Variants in DLGAP1 observed in about 807,000 individuals in gnomAD.
The protein encoded by DLGAP1 is disks large-associated protein 1.
DLGAP1 carries 11 observed loss-of-function variants against 90.8 expected under a neutral mutation model. That is an observed-to-expected ratio of 0.12 (90% CI 0.08 to 0.20). DLGAP1 has a LOEUF of 0.20. DLGAP1 is among the 10% of genes least tolerant of loss of function. The pLI, the probability that DLGAP1 is intolerant of heterozygous loss-of-function variation, is 1.00. For missense variants in DLGAP1, 1,050 were observed against 1,333.8 expected, an observed-to-expected ratio of 0.79 and a Z score of 3.31; for synonymous variants, 558 against 540.7, an observed-to-expected ratio of 1.03 and a Z score of -0.44.
At chr18:3,595,460 G>T (rs2056525297) in intron 7 of DLGAP1, among the ~76,000 whole-genome samples, 1 of 152,088 alleles carries the variant, frequency 6.6e-6, no homozygotes. Flanking sequence ...GTCATTTCAA[G>T]GGAGTATCTT....
At chr18:4,108,392 G>T (rs916141394) in intron 2 of DLGAP1, among the ~76,000 whole-genome samples, 5 of 151,994 alleles carry the variant, frequency 3.3e-5, no homozygotes, top group African/African-American at 1.2e-4. Flanking sequence ...CTTTCTGAAG[G>T]CTCCTACGTC....
At chr18:3,795,326 C>T (rs1184783562) in intron 5 of DLGAP1, among the ~76,000 whole-genome samples, 2 of 152,002 alleles carry the variant, frequency 1.3e-5, no homozygotes, top group Non-Finnish European at 2.9e-5. Flanking sequence ...TTTCTCTTTT[C>T]TTTTTTTTGA....
intron 4 of DLGAP1, among the ~76,000 whole-genome samples, chr18:3,878,627 G>C (rs1276801237): frequency 2.6e-5 from 4 of 152,102 alleles, no homozygotes; most frequent in Admixed American, 1.3e-4. Flanking sequence ...TGATGGTTAT[G>C]ATGATGACCA....
At chr18:4,025,932 A>G (rs1190929608) in intron 2 of DLGAP1, among the ~76,000 whole-genome samples, 1 of 152,236 alleles carries the variant, frequency 6.6e-6, no homozygotes, top group African/African-American at 2.4e-5. Flanking sequence ...TCTCATCTCT[A>G]AAATAGCCAA....
At chr18:4,196,251 C>T (rs1288003309) in intron 1 of DLGAP1, among the ~76,000 whole-genome samples, 1 of 152,124 alleles carries the variant, frequency 6.6e-6, no homozygotes, top group Non-Finnish European at 1.5e-5. Flanking sequence ...ACACTGAAAA[C>T]AGGCCATGGA....
At chr18:3,542,924 T>C (rs1011978763) in intron 9 of DLGAP1, among the ~76,000 whole-genome samples, 6 of 152,192 alleles carry the variant, frequency 3.9e-5, no homozygotes, top group East Asian at 1.9e-4. Flanking sequence ...CTGGGAACTA[T>C]AGTAATAAGC....
intron 2 of DLGAP1, among the ~76,000 whole-genome samples, chr18:4,150,486 G>A (rs1162501360): frequency 6.6e-6 from 1 of 152,132 alleles, no homozygotes; most frequent in African/African-American, 2.4e-5. Context: ...TGCCTTCCAG[G>A]TTCAAGCGAT....
intron 7 of DLGAP1, among the ~76,000 whole-genome samples, chr18:3,656,870 C>T (rs2059506190): frequency 6.6e-6 from 1 of 152,074 alleles, no homozygotes; most frequent in Non-Finnish European, 1.5e-5. Flanking sequence ...CCTCAGCCTC[C>T]CGAGTGGCTG....
At chr18:4,425,293 C>G (rs2083127575) in intron 1 of DLGAP1, among the ~76,000 whole-genome samples, 2 of 151,132 alleles carry the variant, frequency 1.3e-5, no homozygotes, top group South Asian at 4.3e-4. Context: ...TATTTGGCCA[C>G]TTTGGTCTGA....
At chr18:3,760,493 C>T (rs1258479476) in intron 5 of DLGAP1, among the ~76,000 whole-genome samples, 7 of 152,138 alleles carry the variant, frequency 4.6e-5, no homozygotes, top group Non-Finnish European at 8.8e-5. Context: ...GTTTTATTGC[C>T]AGCTGGCTGG....
chr18:3,604,248 G>A (rs2057215068), intron 7 of DLGAP1: 1 of 152,182 alleles, frequency 6.6e-6, no homozygotes, highest in Admixed American at 6.6e-5. Flanking sequence ...GTTCCCTCGG[G>A]GATTTGAATC....
chr18:4,134,266 A>G (rs2076364636), intron 2 of DLGAP1, among the ~76,000 whole-genome samples: 1 of 152,014 alleles, frequency 6.6e-6, no homozygotes, highest in East Asian at 1.9e-4. Flanking sequence ...CCTGCCCCCT[A>G]AAGAACAGCC....
intron 3 of DLGAP1, among the ~76,000 whole-genome samples, chr18:3,917,350 A>G (rs990945138): frequency 5.9e-5 from 9 of 152,242 alleles, no homozygotes; most frequent in African/African-American, 1.9e-4. Context: ...GGCAGTCAGC[A>G]GCATTCCAGC....
intron 2 of DLGAP1, among the ~76,000 whole-genome samples, chr18:4,012,619 CT>C (rs1344374360): frequency 6.6e-6 from 1 of 152,134 alleles, no homozygotes; most frequent in Non-Finnish European, 1.5e-5. Context: ...AGGCTGTCTG[CT>C]GTGGGTCCTT....
intron 3 of DLGAP1, among the ~76,000 whole-genome samples, chr18:3,976,946 G>A (rs2073594810): frequency 6.6e-6 from 1 of 152,108 alleles, no homozygotes; most frequent in South Asian, 2.1e-4. Context: ...TAGATTACAG[G>A]TAAGGTTAAA....
chr18:3,774,897 G>A (rs1485343057), intron 5 of DLGAP1, among the ~76,000 whole-genome samples: 2 of 152,078 alleles, frequency 1.3e-5, no homozygotes, highest in Non-Finnish European at 2.9e-5. Flanking sequence ...ACCTGCCAAA[G>A]AAAACAACCA....
Position 3,534,369 on chromosome 18 carries a change from A to G in DLGAP1, c.2304T>C (p.Pro768=). ...DTDFDPSILP[P]PDPWIDSITE... ...TGATAGAGTCAATCCAGGGGTCCGG[A>G]GGAGGCAGAATAGAGGGGTCAAAAT... The change falls in exon 10 of 13, where the codon CCT becomes CCC. Residue 768 remains proline, a synonymous_variant. Transcript: ENST00000315677. 6 of 1,614,136 alleles carry G rather than the reference A, an allele frequency of 3.7e-6. No homozygotes were observed. In the Middle Eastern group the frequency reaches 4.9e-4, roughly 133 times the overall value.
In DLGAP1 at chr18:4,061,713, C is replaced by G. The variant is rs570658615; in HGVS notation, c.-158-56512G>C. On this transcript the variant is annotated intron_variant, in intron 2 of 12. Coordinates refer to ENST00000315677, the MANE Select transcript of DLGAP1 (RefSeq NM_004746.4). ...TGTATTCCAAAATTATGCAAAACTT[C>G]TATAATTCTGATATGACTTAGTATA... Among the ~76,000 whole-genome samples, 91 of 152,168 alleles carry G rather than the reference C, an allele frequency of 6.0e-4. 2 individuals carry two copies. Among genetic ancestry groups the G allele is most frequent in the African/African-American group, 2.1e-3 (87 of 41,516 alleles).
At position 3,502,651 on chromosome 18, in the gene DLGAP1, C is replaced by G. The variant is rs765141486; in HGVS notation, c.2572-6G>C. 1.9e-6 allele frequency: 3 copies of G among 1,600,148 alleles called. No individual in the cohort carries two copies. Among genetic ancestry groups the G allele is most frequent in the Admixed American group, 1.8e-5 (1 of 55,992 alleles). On this transcript the variant is annotated splice_polypyrimidine_tract_variant and splice_region_variant and intron_variant, in intron 11 of 12. Coordinates refer to ENST00000315677, the MANE Select transcript of DLGAP1 (RefSeq NM_004746.4). ...CTTGGATGAGCATTAGGATTCTGCA[C>G]AAGAGAAAGAAAAACATTCATGCTT...
Sources: gnomAD v4.1 joint callset for allele counts (sites outside exome capture counted in the v4.1 genomes callset) on GRCh38, gnomAD v4.1.1 for gene constraint, MANE v1.5 for transcripts, NCBI Gene and HGNC (gene_info 2026-07-23, HGNC 2026-07-21) for gene names.